The following RSPO3 variants were observed in gnomAD, a reference collection of about 807,000 sequenced individuals.
The protein encoded by RSPO3 is R-spondin 3, also known as R-spondin-3.
RSPO3 carries 17 observed loss-of-function variants against 36.5 expected under a neutral mutation model. The observed-to-expected ratio is 0.47, with a 90% confidence interval of 0.32 to 0.70. The LOEUF is 0.70. RSPO3 is among the 30% of genes least tolerant of loss of function. The pLI is 0.04. For missense variants in RSPO3, 294 were observed against 322.5 expected, an observed-to-expected ratio of 0.91 and a Z score of 0.68; for synonymous variants, 108 against 107.0, an observed-to-expected ratio of 1.01 and a Z score of -0.06.
At chr6:127,148,522 C>T in intron 1 of RSPO3, 126 bp from the exon 2 acceptor site, 1 of 583,054 alleles carries the variant, frequency 1.7e-6, no homozygotes, top group East Asian at 3.0e-5. Context: ...AAAAAAATCC[C>T]ACCTCATTCA....
chr6:127,166,535 GGAT>G (rs1774824618), intron 4 of RSPO3, among the ~76,000 whole-genome samples: 2 of 151,872 alleles, frequency 1.3e-5, no homozygotes, highest in Non-Finnish European at 2.9e-5. Flanking sequence ...TGTACAATGG[GGAT>G]GATAACACTA....
rs928770741 is a variant in RSPO3 at position 127,197,718 on chromosome 6, T to C, written c.*1711T>C. The C allele has an allele frequency of 9.1e-6, 5 of 548,906 alleles. No individual in the cohort carries two copies. Among genetic ancestry groups the C allele is most frequent in the Non-Finnish European group, 1.5e-5 (5 of 326,548 alleles). The allele number at this position is 548,906 out of a possible 1,614,324, so 34.0% of individuals were successfully genotyped here. ...TGTAATCTACTTGGCTTAATTGATT[T>C]TCCACTTCTCTCTTCCTCTTCTAAG... On this transcript the variant is annotated 3_prime_UTR_variant, in exon 5 of 5. Coordinates refer to ENST00000356698, the MANE Select transcript of RSPO3 (RefSeq NM_032784.5).
At position 127,188,079 on chromosome 6, in the gene RSPO3, T is replaced by TGG. The variant is rs1049387571; in HGVS notation, c.635-7741_635-7740dup. ...TTAAATGGAAGCAAGGATTCCAGGC[T>TGG]GGGGTTCCAGGCAGCAGAAGCAATG... On this transcript the variant is annotated intron_variant, in intron 4 of 4. Coordinates refer to ENST00000356698, the MANE Select transcript of RSPO3 (RefSeq NM_032784.5). 1.8e-4 allele frequency among the ~76,000 whole-genome samples: 27 copies of TGG among 152,256 alleles called. 1 individual carries two copies. Among genetic ancestry groups the TGG allele is most frequent in the African/African-American group, 5.8e-4 (24 of 41,546 alleles).
chr6:127,150,839 T>C (rs1774478015), intron 3 of RSPO3, among the ~76,000 whole-genome samples: 2 of 151,490 alleles, frequency 1.3e-5, no homozygotes, highest in Non-Finnish European at 2.9e-5. Context: ...TTATGATAGA[T>C]TTATTTTTAT....
intron 1 of RSPO3, among the ~76,000 whole-genome samples, chr6:127,143,185 T>C (rs141471878): frequency 3.3e-4 from 51 of 152,272 alleles, no homozygotes; most frequent in African/African-American, 1.1e-3. Flanking sequence ...TGAGAACCTA[T>C]TCAATAAATA....
chr6:127,190,238 A>T (rs1267545450), intron 4 of RSPO3, among the ~76,000 whole-genome samples: 3 of 152,084 alleles, frequency 2.0e-5, no homozygotes, highest in Admixed American at 1.3e-4. Context: ...AGCCTGACCG[A>T]CATGGTAAAA....
At chr6:127,152,809 G>A (rs1436680427) in intron 3 of RSPO3, among the ~76,000 whole-genome samples, 1 of 152,038 alleles carries the variant, frequency 6.6e-6, no homozygotes, top group African/African-American at 2.4e-5. Context: ...TTTTCACTTT[G>A]TGCTCCAGAT....
At chr6:127,181,981 C>G (rs1426883315) in intron 4 of RSPO3, among the ~76,000 whole-genome samples, 1 of 151,858 alleles carries the variant, frequency 6.6e-6, no homozygotes, top group East Asian at 1.9e-4. Flanking sequence ...GTATCTGACT[C>G]TGGTGAGGGC....
chr6:127,130,248 C>T (rs888396979), intron 1 of RSPO3, among the ~76,000 whole-genome samples: 2 of 152,016 alleles, frequency 1.3e-5, no homozygotes, highest in Non-Finnish European at 1.5e-5. Context: ...GCTTGGATAC[C>T]CAGAAAAGAT....
chr6:127,166,498 C>A (rs1260260644), intron 4 of RSPO3, among the ~76,000 whole-genome samples: 1 of 151,950 alleles, frequency 6.6e-6, no homozygotes, highest in South Asian at 2.1e-4. Flanking sequence ...AATTCTTTAG[C>A]CTTTACATAT....
chr6:127,137,372 C>T (rs1248016211), intron 1 of RSPO3, among the ~76,000 whole-genome samples: 1 of 152,094 alleles, frequency 6.6e-6, no homozygotes, highest in East Asian at 1.9e-4. Context: ...ACCTGGGTGA[C>T]AGAGAGAGAC....
chr6:127,174,954 C>A (rs1382147191), intron 4 of RSPO3, among the ~76,000 whole-genome samples: 1 of 151,680 alleles, frequency 6.6e-6, no homozygotes, highest in Non-Finnish European at 1.5e-5. Flanking sequence ...ACCATGGAAT[C>A]ATATGAGTGA....
chr6:127,129,769 C>T (rs1201789075), intron 1 of RSPO3, among the ~76,000 whole-genome samples: 1 of 151,950 alleles, frequency 6.6e-6, no homozygotes, highest in African/African-American at 2.4e-5. Context: ...ATGTACGTGC[C>T]CACATAGAGA....
intron 1 of RSPO3, among the ~76,000 whole-genome samples, chr6:127,141,926 T>C (rs779004616): frequency 9.9e-5 from 15 of 152,084 alleles, no homozygotes; most frequent in Non-Finnish European, 1.6e-4. Context: ...TACAAACACA[T>C]ATGTGCACAT....
At chr6:127,190,682 G>A (rs1775391955) in intron 4 of RSPO3, among the ~76,000 whole-genome samples, 1 of 152,160 alleles carries the variant, frequency 6.6e-6, no homozygotes, top group Admixed American at 6.5e-5. Flanking sequence ...TCCTCAGTCT[G>A]TAATGTGGAA....
In RSPO3 at chr6:127,166,521, C is replaced by A. The variant is rs572926023; in HGVS notation, c.634+11083C>A. On this transcript the variant is annotated intron_variant, in intron 4 of 4. Transcript: ENST00000356698. ...AGCCTTTACATATCCCATTTTTCCTCATCTGTACAATGGGGATGATAACAC... is the reference window on the plus strand; with the variant it reads ...AGCCTTTACATATCCCATTTTTCCTAATCTGTACAATGGGGATGATAACAC... Among the ~76,000 whole-genome samples the A allele has an allele frequency of 2.0e-5, 3 of 152,066 alleles. No homozygotes were observed. The East Asian group carries it at 5.8e-4, about 29-fold the overall frequency.
At chr6:127,122,509 C>A (rs2114532954) in intron 1 of RSPO3, among the ~76,000 whole-genome samples, 1 of 152,270 alleles carries the variant, frequency 6.6e-6, no homozygotes, top group African/African-American at 2.4e-5. Context: ...TACTTATCTT[C>A]CCATCTTAGA....
rs1429519840 is a variant in RSPO3 at position 127,118,755 on chromosome 6, GC to G, written c.-435del. ...TGGCCATGGCCGCTGTGCCGACGGC[GC>G]CCGCTCCCCTGCGCTCCAGGGGCCC... On this transcript the variant is annotated 5_prime_UTR_variant, in exon 1 of 5. An upstream open reading frame in the 5' UTR loses its in-frame stop. Coordinates refer to ENST00000356698, the MANE Select transcript of RSPO3 (RefSeq NM_032784.5). The G allele has an allele frequency of 6.6e-6, 1 of 152,650 alleles. No individual in the cohort carries two copies. The highest frequency in any genetic ancestry group is 2.4e-5 in the African/African-American group (1 of 41,116). The allele number at this position is 152,650 out of a possible 1,614,324, so 9.5% of individuals were successfully genotyped here. A position where few individuals can be genotyped will look rare whatever the true frequency, so the allele number is the denominator to read the frequency against.
rs1775388529 is a variant in RSPO3 at position 127,190,530 on chromosome 6, C to A, written c.635-5293C>A. ...CCAGATTCAAAAATAATAAGATCAA[C>A]CCCTTTTTCACACTGTGAGTGCTTT... On this transcript the variant is annotated intron_variant, in intron 4 of 4. Transcript: ENST00000356698. 1.3e-5 allele frequency among the ~76,000 whole-genome samples: 2 copies of A among 152,156 alleles called. 1 individual carries two copies. Among genetic ancestry groups the A allele is most frequent in the South Asian group, 4.1e-4 (2 of 4,834 alleles).
Sources: allele counts gnomAD v4.1 joint callset (sites outside exome capture counted in the v4.1 genomes callset), GRCh38; gene constraint gnomAD v4.1.1; transcripts MANE v1.5; gene names NCBI Gene and HGNC (gene_info 2026-07-23, HGNC 2026-07-21).